HOXD11: variants seen among roughly 807,000 people sequenced by gnomAD.
HOXD11 encodes homeobox D11.
Under a neutral mutation model 23.1 loss-of-function variants are expected in HOXD11, and 16 were observed. That is an observed-to-expected ratio of 0.69 (90% CI 0.47 to 1.05). The LOEUF (loss-of-function observed/expected upper bound fraction) is 1.05. Among genes scored for constraint, HOXD11 ranks in the 50% least tolerant of loss-of-function variants. HOXD11 has a pLI of 0.00. For synonymous variants in HOXD11, 262 were observed against 224.4 expected, an observed-to-expected ratio of 1.17 and a Z score of -1.50; for missense variants, 564 against 495.6, an observed-to-expected ratio of 1.14 and a Z score of -1.31.
rs750578581 is a variant in HOXD11, at chr2:176,107,538, G to A, written c.183G>A (p.Val61=). The A allele has an allele frequency of 4.3e-6, 7 of 1,612,754 alleles. No homozygotes were observed. Among genetic ancestry groups the A allele is most frequent in the Non-Finnish European group, 5.9e-6 (7 of 1,179,494 alleles). ...CGCACGTCCAGCCCGTGCGCGAAGT[G>A]GCCTTCCGCGACTACGGCCTGGAGC... ...LAPHVQPVRE[V]AFRDYGLERA... Residue 61 remains valine (V), a synonymous_variant, in exon 1 of 2, where the codon GTG becomes GTA. Transcript: ENST00000249504.
At chr2:176,111,452 C>A (rs975219338), downstream of HOXD11, 2 of 151,876 alleles carry the variant, frequency 1.3e-5, no homozygotes, top group African/African-American at 2.4e-5. Flanking sequence ...GCCGCGGTAC[C>A]TTGTCTGTCC....
rs762975981 is a variant in HOXD11, at chr2:176,107,471, C to G, written c.116C>G (p.Ser39Trp). Residue 39 changes from serine (S) to tryptophan (W), a missense_variant, in exon 1 of 2, where the codon TCG becomes TGG. Physicochemically the swap from Ser to Trp is radical, Grantham distance 177. Transcript: ENST00000249504. ...ASKPSFLSQP[S>W]SCQMTFPYSS... ...AAGCCTTCGTTCCTTTCCCAACCGT[C>G]GTCCTGCCAGATGACTTTCCCCTAC... 6.2e-7 allele frequency: 1 copy of G among 1,613,908 alleles called. No homozygotes were observed. The highest frequency in any genetic ancestry group is 1.3e-5 in the African/African-American group (1 of 74,930).
chr2:176,108,872 G>T, intron 1 of HOXD11, 35 bp from the exon 2 acceptor site: 1 of 1,492,382 alleles, frequency 6.7e-7, no homozygotes, highest in Non-Finnish European at 9.3e-7. Flanking sequence ...GTCAGGCAGC[G>T]GCCTCTCTCA....
intron 1 of HOXD11, 45 bp downstream of exon 1, chr2:176,108,181 GGGA>G (rs1689614112): frequency 3.2e-6 from 3 of 927,854 alleles, no homozygotes; most frequent in South Asian, 2.7e-5. Flanking sequence ...GGGGCCGCGG[GGGA>G]GGGGGGGGGG....
chr2:176,109,417 C>G lies in HOXD11; in HGVS notation c.*275C>G, dbSNP rs1299067770. 2.5e-5 allele frequency: 10 copies of G among 397,630 alleles called. No homozygotes were observed. Among genetic ancestry groups the G allele is most frequent in the Admixed American group, 1.2e-4 (3 of 24,020 alleles). The allele number at this position is 397,630 out of a possible 1,614,324, so 24.6% of individuals were successfully genotyped here. On this transcript the variant is annotated 3_prime_UTR_variant, in exon 2 of 2. Coordinates refer to ENST00000249504, the MANE Select transcript of HOXD11 (RefSeq NM_021192.3). ...CAGTGTGCTGTCGTTCCCCCTCCCC[C>G]TCTCCGAGTCCTCGTGGGGACACGG...
intron 1 of HOXD11, 120 bp from the exon 2 acceptor site, chr2:176,108,787 C>CGGCA: frequency 1.5e-6 from 1 of 650,020 alleles, no homozygotes. Context: ...CTTTCGGCCG[C>CGGCA]GGCAGAGAAC....
downstream of HOXD11, among the ~76,000 whole-genome samples, chr2:176,113,930 G>GA (rs1463029420): frequency 6.6e-6 from 1 of 152,194 alleles, no homozygotes; most frequent in Non-Finnish European, 1.5e-5. Flanking sequence ...GCTCACTGCA[G>GA]ACCTACCCGC....
At chr2:176,112,243 G>A (rs377767233), downstream of HOXD11, among the ~76,000 whole-genome samples, 1 of 152,236 alleles carries the variant, frequency 6.6e-6, no homozygotes, top group African/African-American at 2.4e-5. Context: ...TTGAATTGTG[G>A]CTCTCAGAAG....
At chr2:176,115,599 A>G in the HOXD11 span, among the ~76,000 whole-genome samples, 1 of 152,230 alleles carries the variant, frequency 6.6e-6, no homozygotes, top group Non-Finnish European at 1.5e-5. Context: ...CAAGTAGCCC[A>G]AGAATGTAGA....
intron 1 of HOXD11, 92 bp downstream of exon 1, chr2:176,108,228 T>A: frequency 2.5e-6 from 2 of 793,616 alleles, no homozygotes; most frequent in African/African-American, 1.9e-5. Context: ...CCTTTTTATG[T>A]GCTACTTTAT....
chr2:176,113,820 A>G (rs1451595338), downstream of HOXD11, among the ~76,000 whole-genome samples: 14 of 152,314 alleles, frequency 9.2e-5, no homozygotes, highest in Admixed American at 7.2e-4. Context: ...GTAAAAACCT[A>G]TTTAACTCTA....
At chr2:176,113,100 A>G (rs1476078756), downstream of HOXD11, among the ~76,000 whole-genome samples, 1 of 152,054 alleles carries the variant, frequency 6.6e-6, no homozygotes, top group Non-Finnish European at 1.5e-5. Context: ...TAGACTCCCC[A>G]TTTGCCCCCT....
At position 176,107,992 on chromosome 2, in the gene HOXD11, C is replaced by T. The variant is rs2105387706; in HGVS notation, c.637C>T (p.Pro213Ser). ...QPEGAADKGD[P>S]RTGAGGGGGS... ...CGAGGGCGCAGCCGACAAGGGCGAC[C>T]CCAGGACCGGGGCTGGTGGCGGCGG... Residue 213 changes from proline (P) to serine (S), a missense_variant, in exon 1 of 2, where the codon CCC becomes TCC. Coordinates refer to ENST00000249504, the MANE Select transcript of HOXD11 (RefSeq NM_021192.3). 6.8e-7 allele frequency: 1 copy of T among 1,479,526 alleles called. No homozygotes were observed. Among genetic ancestry groups the T allele is most frequent in the Admixed American group, 2.2e-5 (1 of 44,694 alleles). 91.6% of individuals were successfully genotyped at this position (1,479,526 alleles called of 1,614,324 possible).
intron 1 of HOXD11, 66 bp from the exon 2 acceptor site, chr2:176,108,841 G>T: frequency 9.2e-7 from 1 of 1,083,026 alleles, no homozygotes; most frequent in South Asian, 1.6e-5. Flanking sequence ...AGTGGCCCGG[G>T]CGGGCGGGCG....
downstream of HOXD11, among the ~76,000 whole-genome samples, chr2:176,114,561 C>T (rs1689721503): frequency 6.6e-6 from 1 of 151,808 alleles, no homozygotes; most frequent in Non-Finnish European, 1.5e-5. Context: ...ATTGTTTGGG[C>T]GAGAGCACCG....
chr2:176,112,145 A>T (rs2551809), downstream of HOXD11, among the ~76,000 whole-genome samples: 1 of 151,722 alleles, frequency 6.6e-6, no homozygotes, highest in Non-Finnish European at 1.5e-5. Flanking sequence ...AGGCGTTGTA[A>T]AACGGGGAAT....
In HOXD11 at chr2:176,107,861, G is replaced by T. The variant is rs1348162533; in HGVS notation, c.506G>T (p.Gly169Val). The T allele has an allele frequency of 2.8e-6, 4 of 1,451,454 alleles. No individual in the cohort carries two copies. The highest frequency in any genetic ancestry group is 2.7e-6 in the Non-Finnish European group (3 of 1,099,690). 89.9% of individuals were successfully genotyped at this position (1,451,454 alleles called of 1,614,324 possible). A position where few individuals can be genotyped will look rare whatever the true frequency, so the allele number is the denominator to read the frequency against. Residue 169 changes from glycine (G) to valine (V), a missense_variant, in exon 1 of 2, where the codon GGC (glycine) becomes GTC (valine). Physicochemically the swap from Gly to Val is moderately radical, Grantham distance 109 (BLOSUM62 -3). Transcript: ENST00000249504. ...GAASNFYSAV[G>V]RNGILPQGFD... ...GCCTCCAACTTCTACAGCGCGGTGG[G>T]CCGCAATGGCATCTTGCCACAGGGC...
At chr2:176,108,561 C>G (rs1036141493) in intron 1 of HOXD11, among the ~76,000 whole-genome samples, 5 of 152,036 alleles carry the variant, frequency 3.3e-5, no homozygotes, top group African/African-American at 1.2e-4. Context: ...CCGCTGGAGT[C>G]AAGCAGATGC....
chr2:176,108,403 A>T (rs1689619697), intron 1 of HOXD11, among the ~76,000 whole-genome samples: 1 of 138,172 alleles, frequency 7.2e-6, no homozygotes, highest in Non-Finnish European at 1.6e-5. Flanking sequence ...GCTAGATACC[A>T]TGGAGGGAGG....
Sources: allele counts gnomAD v4.1 joint callset (sites outside exome capture counted in the v4.1 genomes callset), GRCh38; gene constraint gnomAD v4.1.1; transcripts MANE v1.5; gene names NCBI Gene and HGNC (gene_info 2026-07-23, HGNC 2026-07-21).